IQCJ: variants seen among roughly 807,000 people sequenced by gnomAD.
IQCJ encodes the protein IQ motif containing J.
Under a neutral mutation model 11.0 loss-of-function variants are expected in IQCJ, and 9 were observed. The observed-to-expected ratio is 0.82, with a 90% CI of 0.49 to 1.43. IQCJ has a LOEUF of 1.43. Ranked by LOEUF, IQCJ falls within the 40% of genes most tolerant of loss-of-function variation. The pLI is 0.00. For synonymous variants in IQCJ, 55 were observed against 51.3 expected (o/e 1.07, Z -0.31); for missense variants, 146 against 133.2 (o/e 1.10, Z -0.47).
intron 1 of IQCJ, among the ~76,000 whole-genome samples, chr3:159,147,772 C>T (rs1429183759): frequency 6.6e-6 from 1 of 152,146 alleles, no homozygotes; most frequent in Non-Finnish European, 1.5e-5. Flanking sequence ...CAACATAATT[C>T]ATGGTTATCT....
intron 1 of IQCJ, among the ~76,000 whole-genome samples, chr3:159,164,533 C>T (rs1449242405): frequency 6.6e-6 from 1 of 152,160 alleles, no homozygotes; most frequent in Non-Finnish European, 1.5e-5. Context: ...TTTGTAAGGC[C>T]AAGGTGGGCG....
At chr3:159,131,519 G>A (rs1719986797) in intron 1 of IQCJ, among the ~76,000 whole-genome samples, 1 of 152,118 alleles carries the variant, frequency 6.6e-6, no homozygotes, top group Non-Finnish European at 1.5e-5. Context: ...GGCAAGGATT[G>A]TGCCCCTCCT....
chr3:159,086,426 T>C (rs568701882), intron 1 of IQCJ, among the ~76,000 whole-genome samples: 2,578 of 152,308 alleles, frequency 0.017, 66 homozygotes, highest in African/African-American at 0.06. Context: ...ATATGAACTT[T>C]AAAGTAGTTT....
chr3:159,110,443 CAA>C (rs1439113079), intron 1 of IQCJ, among the ~76,000 whole-genome samples: 2 of 152,202 alleles, frequency 1.3e-5, no homozygotes, highest in African/African-American at 2.4e-5. Flanking sequence ...TTCCTTCCAG[CAA>C]ACTCCTTTTC....
chr3:159,101,101 C>T (rs1219133657), intron 1 of IQCJ, among the ~76,000 whole-genome samples: 10 of 127,854 alleles, frequency 7.8e-5, no homozygotes, highest in East Asian at 4.5e-4. Context: ...GTCTGAAAAG[C>T]GCAATATTCG....
intron 1 of IQCJ, among the ~76,000 whole-genome samples, chr3:159,224,754 G>T (rs1485039231): frequency 6.6e-6 from 1 of 152,164 alleles, no homozygotes; most frequent in African/African-American, 2.4e-5. Flanking sequence ...GTAAAATCCA[G>T]ACTGGCAAAC....
chr3:159,128,476 C>G (rs1421162893), intron 1 of IQCJ, among the ~76,000 whole-genome samples: 2 of 152,152 alleles, frequency 1.3e-5, no homozygotes. Context: ...GATACACAAG[C>G]AGAATTCACA....
At chr3:159,139,263 A>G (rs1221644899) in intron 1 of IQCJ, among the ~76,000 whole-genome samples, 2 of 152,192 alleles carry the variant, frequency 1.3e-5, no homozygotes, top group Non-Finnish European at 2.9e-5. Context: ...GTCCTGAAGT[A>G]ACAAAATTTA....
intron 1 of IQCJ, among the ~76,000 whole-genome samples, chr3:159,101,502 G>A (rs970092887): frequency 5.3e-5 from 8 of 152,190 alleles, no homozygotes; most frequent in Non-Finnish European, 8.8e-5. Context: ...TTCATGGGAA[G>A]GGGAGAGCCA....
intron 1 of IQCJ, among the ~76,000 whole-genome samples, chr3:159,195,148 A>G (rs908815016): frequency 1.3e-5 from 2 of 151,758 alleles, no homozygotes; most frequent in Non-Finnish European, 2.9e-5. Flanking sequence ...GCACGTTTCC[A>G]TATCTATAAA....
At chr3:159,133,233 T>C (rs763769931) in intron 1 of IQCJ, among the ~76,000 whole-genome samples, 2 of 152,214 alleles carry the variant, frequency 1.3e-5, no homozygotes, top group African/African-American at 2.4e-5. Flanking sequence ...TAAGAAATCA[T>C]TGGTTCCAAA....
chr3:159,251,926 A>C (rs1344324655), intron 2 of IQCJ, among the ~76,000 whole-genome samples: 1 of 152,184 alleles, frequency 6.6e-6, no homozygotes, highest in Non-Finnish European at 1.5e-5. Context: ...TGCCTATGAC[A>C]GTGTGTTATA....
intron 1 of IQCJ, among the ~76,000 whole-genome samples, chr3:159,105,777 T>C (rs1718217475): frequency 6.6e-6 from 1 of 151,986 alleles, no homozygotes; most frequent in Non-Finnish European, 1.5e-5. Context: ...TGAACACATG[T>C]GGGAGTAGAG....
At chr3:159,183,488 G>A (rs1042649152) in intron 1 of IQCJ, among the ~76,000 whole-genome samples, 1 of 151,970 alleles carries the variant, frequency 6.6e-6, no homozygotes. Context: ...CCACATATTT[G>A]CCAATGACTT....
chr3:159,229,468 G>A (rs563093482), intron 1 of IQCJ, among the ~76,000 whole-genome samples: 1 of 151,970 alleles, frequency 6.6e-6, no homozygotes, highest in Non-Finnish European at 1.5e-5. Flanking sequence ...CTTTCAGGCT[G>A]CAGGAAGACA....
At chr3:159,199,556 C>T (rs1206069971) in intron 1 of IQCJ, among the ~76,000 whole-genome samples, 5 of 152,104 alleles carry the variant, frequency 3.3e-5, no homozygotes, top group African/African-American at 4.8e-5. Flanking sequence ...CAGTTTATTA[C>T]AGCAGCAATA....
intron 1 of IQCJ, among the ~76,000 whole-genome samples, chr3:159,210,051 A>G (rs569656873): frequency 6.6e-6 from 1 of 152,366 alleles, no homozygotes; most frequent in East Asian, 1.9e-4. Context: ...AAGTGAGGCC[A>G]TGAACCCAGA....
At chr3:159,152,482 G>A (rs1287450238) in intron 1 of IQCJ, among the ~76,000 whole-genome samples, 4 of 152,126 alleles carry the variant, frequency 2.6e-5, no homozygotes, top group African/African-American at 9.7e-5. Flanking sequence ...GAGACCATGG[G>A]TTAATAAAGT....
chr3:159,078,030 C>T (rs1339910977), intron 1 of IQCJ, among the ~76,000 whole-genome samples: 2 of 125,062 alleles, frequency 1.6e-5, no homozygotes, highest in Non-Finnish European at 3.8e-5. Context: ...ACCAAAATGA[C>T]TAAGGAAATA....
Sources: gnomAD v4.1 joint callset for allele counts (sites outside exome capture counted in the v4.1 genomes callset) on GRCh38, gnomAD v4.1.1 for gene constraint, MANE v1.5 for transcripts, NCBI Gene and HGNC (gene_info 2026-07-23, HGNC 2026-07-21) for gene names.